The following ABHD17C variants were observed in gnomAD, a reference collection of about 807,000 sequenced individuals.
ABHD17C encodes alpha/beta hydrolase domain-containing protein 17C.
ABHD17C carries 11 observed loss-of-function variants against 27.9 expected under a neutral mutation model. The ratio of observed to expected loss-of-function variants is 0.39; its 90% CI spans 0.25 to 0.65. The LOEUF is 0.65. Among genes scored for constraint, ABHD17C ranks in the 30% least tolerant of loss-of-function variants. The pLI is 0.45. For synonymous variants in ABHD17C, 233 were observed against 209.1 expected (o/e 1.11, Z -0.98); for missense variants, 280 against 470.2 (o/e 0.60, Z 3.74).
chr15:80,751,367 A>G (rs1489992283), intron 2 of ABHD17C, among the ~76,000 whole-genome samples: 1 of 151,434 alleles, frequency 6.6e-6, no homozygotes, highest in African/African-American at 2.4e-5. Flanking sequence ...CTCCAAAGGA[A>G]AAAAAAAAGA....
intron 1 of ABHD17C, among the ~76,000 whole-genome samples, chr15:80,748,502 C>T (rs1488620441): frequency 6.6e-6 from 1 of 152,080 alleles, no homozygotes; most frequent in Non-Finnish European, 1.5e-5. Context: ...ATTTAATTTG[C>T]ATCTTCATGT....
At chr15:80,697,619 C>A (rs1894512222) in intron 1 of ABHD17C, among the ~76,000 whole-genome samples, 1 of 149,914 alleles carries the variant, frequency 6.7e-6, no homozygotes, top group Non-Finnish European at 1.5e-5. Flanking sequence ...TAGTTATTTC[C>A]TGGAAACTTT....
intron 1 of ABHD17C, among the ~76,000 whole-genome samples, chr15:80,722,151 C>T (rs1307832973): frequency 4.0e-5 from 6 of 151,856 alleles, no homozygotes; most frequent in Non-Finnish European, 7.4e-5. Context: ...CTTCAGTTAC[C>T]GAGAAGCGCA....
At chr15:80,713,709 T>C (rs1040660304) in intron 1 of ABHD17C, among the ~76,000 whole-genome samples, 3 of 151,918 alleles carry the variant, frequency 2.0e-5, no homozygotes, top group Non-Finnish European at 4.4e-5. Context: ...CTCGGGAGGC[T>C]GAGGCACGAG....
intron 1 of ABHD17C, among the ~76,000 whole-genome samples, chr15:80,717,665 C>T (rs929865838): frequency 6.6e-6 from 1 of 152,174 alleles, no homozygotes; most frequent in Non-Finnish European, 1.5e-5. Flanking sequence ...GGATTACAGG[C>T]GTGAGCCATT....
intron 1 of ABHD17C, among the ~76,000 whole-genome samples, chr15:80,719,966 T>A (rs1359167007): frequency 6.6e-6 from 1 of 152,024 alleles, no homozygotes; most frequent in Non-Finnish European, 1.5e-5. Context: ...CCCAACCAAT[T>A]TTTTTGTATT....
intron 1 of ABHD17C, among the ~76,000 whole-genome samples, chr15:80,710,719 C>CT (rs1371973651): frequency 1.3e-5 from 2 of 151,714 alleles, no homozygotes; most frequent in African/African-American, 4.8e-5. Context: ...GATTTTTTTT[C>CT]TTTTTTTTCT....
At chr15:80,723,024 T>C (rs1284228651) in intron 1 of ABHD17C, among the ~76,000 whole-genome samples, 1 of 152,162 alleles carries the variant, frequency 6.6e-6, no homozygotes, top group East Asian at 1.9e-4. Context: ...TTCACATCCT[T>C]AGGTTCTGCG....
chr15:80,705,601 C>T (rs557982409), intron 1 of ABHD17C, among the ~76,000 whole-genome samples: 3 of 152,238 alleles, frequency 2.0e-5, no homozygotes, highest in East Asian at 3.9e-4. Context: ...TAACCAAATG[C>T]TCAGATCATG....
intron 2 of ABHD17C, among the ~76,000 whole-genome samples, chr15:80,751,963 A>G (rs748845196): frequency 6.6e-6 from 1 of 152,236 alleles, no homozygotes; most frequent in Non-Finnish European, 1.5e-5. Flanking sequence ...TTAAAGGAGG[A>G]TACTTGCACA....
chr15:80,707,820 T>C (rs1395461080), intron 1 of ABHD17C, among the ~76,000 whole-genome samples: 1 of 152,162 alleles, frequency 6.6e-6, no homozygotes, highest in Non-Finnish European at 1.5e-5. Context: ...TTTGGGGATA[T>C]CCATTTTTGA....
In ABHD17C at chr15:80,754,376, A is replaced by G. The variant is rs747991190; in HGVS notation, c.*6A>G. 3 of 1,606,200 alleles carry G rather than the reference A, an allele frequency of 1.9e-6. No individual in the cohort carries two copies. The highest frequency in any genetic ancestry group is 2.2e-5 in the East Asian group (1 of 44,792). ...ACGAACTTCCTAATTCCTGAAGACA[A>G]CAACTTGATCTTACCTCATTTACTG... On this transcript the variant is annotated 3_prime_UTR_variant, in exon 3 of 3. Coordinates refer to ENST00000258884, the MANE Select transcript of ABHD17C (RefSeq NM_021214.2).
At chr15:80,720,864 T>C (rs1242565509) in intron 1 of ABHD17C, among the ~76,000 whole-genome samples, 2 of 149,898 alleles carry the variant, frequency 1.3e-5, no homozygotes, top group Non-Finnish European at 3.0e-5. Flanking sequence ...GAGGTTGCAG[T>C]GAGCCGAGAT....
Position 80,695,621 on chromosome 15 carries a change from C to T in ABHD17C, c.192C>T (p.Ala64=). The change falls in exon 1 of 3, where the codon GCC becomes GCT. Residue 64 remains alanine (A), a synonymous_variant. Transcript: ENST00000258884. This position sits in a 1 kb window ranked among gnomAD's most constrained non-coding sequence, Gnocchi z 4.3. The part of the protein sequence containing the change: ...ASAPAPAQAT[A]AAAAAQPAPQ... The stretch of plus-strand genomic sequence containing the variant: ...CCCCGGCCCCGGCCCAGGCTACCGC[C>T]GCCGCCGCCGCGGCCCAGCCGGCAC... 1.7e-6 allele frequency: 2 copies of T among 1,184,308 alleles called. No homozygotes were observed. Among genetic ancestry groups the T allele is most frequent in the Non-Finnish European group, 1.0e-6 (1 of 959,924 alleles). The allele number at this position is 1,184,308 out of a possible 1,614,324, so 73.4% of individuals were successfully genotyped here.
intron 1 of ABHD17C, among the ~76,000 whole-genome samples, chr15:80,698,947 C>T (rs1894534921): frequency 6.6e-6 from 1 of 152,234 alleles, no homozygotes; most frequent in African/African-American, 2.4e-5. Context: ...TTAGATTATT[C>T]CCCCAGGAGG....
intron 2 of ABHD17C, among the ~76,000 whole-genome samples, chr15:80,752,832 C>T (rs577278564): frequency 6.6e-6 from 1 of 152,278 alleles, no homozygotes; most frequent in East Asian, 1.9e-4. Context: ...CCAGCTCAAC[C>T]AATGCTTAAA....
intron 1 of ABHD17C, among the ~76,000 whole-genome samples, chr15:80,727,501 T>TCATAG (rs1449132485): frequency 6.6e-6 from 1 of 152,172 alleles, no homozygotes; most frequent in Non-Finnish European, 1.5e-5. Context: ...ACAATCAGTG[T>TCATAG]CATAGCATAG....
intron 1 of ABHD17C, among the ~76,000 whole-genome samples, chr15:80,739,891 T>C (rs746961805): frequency 6.6e-6 from 1 of 152,222 alleles, no homozygotes; most frequent in Non-Finnish European, 1.5e-5. Flanking sequence ...TTTTCCCTTT[T>C]GGCCTGTTCG....
Position 80,695,496 on chromosome 15 carries a change from C to A in ABHD17C, c.67C>A (p.Pro23Thr). 7.2e-7 allele frequency: 1 copy of A among 1,390,930 alleles called. No homozygotes were observed. Among genetic ancestry groups the A allele is most frequent in the Non-Finnish European group, 9.4e-7 (1 of 1,061,760 alleles). 86.2% of individuals were successfully genotyped at this position (1,390,930 alleles called of 1,614,324 possible). Reference sequence around the variant, plus strand: ...TGAGCTGTGCTGGCTCTTCTGCTGCCCGCCCTGCCCGAGCCGCATCGCCGC... The same window carrying A: ...TGAGCTGTGCTGGCTCTTCTGCTGCACGCCCTGCCCGAGCCGCATCGCCGC... Reference protein sequence around the residue: ...LGELCWLFCCPPCPSRIAAKL... With the variant: ...LGELCWLFCCTPCPSRIAAKL... Residue 23 changes from proline to threonine, a missense_variant, in exon 1 of 3, where the codon CCG becomes ACG. Pro to Thr is a conservative substitution (Grantham distance 38). This residue lies in a region of ABHD17C where 74 missense variants were observed against 75.5 expected (regional missense o/e 0.98). Transcript: ENST00000258884. The surrounding 1 kb of genome is among the most constrained non-coding windows in gnomAD (Gnocchi z 4.3).
Sources: allele counts gnomAD v4.1 joint callset (sites outside exome capture counted in the v4.1 genomes callset), GRCh38; gene constraint gnomAD v4.1.1; regional missense constraint gnomAD v4.1.1; non-coding constraint Gnocchi (gnomAD v3.1); transcripts MANE v1.5; gene names NCBI Gene and HGNC (gene_info 2026-07-23, HGNC 2026-07-21).